The following MAML1 variants were observed in gnomAD, a reference collection of about 807,000 sequenced individuals.
MAML1 encodes the protein mastermind-like protein 1.
Under a neutral mutation model 77.1 loss-of-function variants are expected in MAML1, and 14 were observed. The observed-to-expected ratio is 0.18, with a 90% CI of 0.12 to 0.28. MAML1 has a LOEUF of 0.28. Ranked by LOEUF, MAML1 falls within the 10% of genes least tolerant of loss-of-function variation. The pLI is 1.00. For missense variants in MAML1, 1,217 were observed against 1,327.8 expected, an observed-to-expected ratio of 0.92 and a Z score of 1.30; for synonymous variants, 516 against 551.9, an observed-to-expected ratio of 0.93 and a Z score of 0.91.
At position 179,747,808 on chromosome 5, in the gene MAML1, C is replaced by CAAAAAAAAAAAAAA. The variant is rs71001044; in HGVS notation, c.315+14389_315+14402dup. ...CCTGGGCGACAGCGAGACTCCATCT[C>CAAAAAAAAAAAAAA]AAAAAAAAAAAAAAAAAAAAAGAAG... On this transcript the variant is annotated intron_variant, in intron 1 of 4. Transcript: ENST00000292599. Among the ~76,000 whole-genome samples, 7 of 40,894 alleles carry CAAAAAAAAAAAAAA rather than the reference C, an allele frequency of 1.7e-4. 1 individual carries two copies. Among genetic ancestry groups the CAAAAAAAAAAAAAA allele is most frequent in the South Asian group, 1.6e-3 (1 of 630 alleles). The allele number at this position is 40,894 out of a possible 152,430, so 26.8% of individuals were successfully genotyped here.
rs1456485300 is a variant in MAML1, at chr5:179,776,130, A to G, written c.*1253A>G. 2.0e-6 allele frequency: 2 copies of G among 985,802 alleles called. No homozygotes were observed. The highest frequency in any genetic ancestry group is 2.4e-6 in the Non-Finnish European group (2 of 829,958). 61.1% of individuals were successfully genotyped at this position (985,802 alleles called of 1,614,324 possible). The stretch of plus-strand genomic sequence containing the variant: ...CTGTTTTTGGAAAACGAAGATGGAG[A>G]GAGCACTTCCCCGTAACGAAAGCAA... On this transcript the variant is annotated 3_prime_UTR_variant, in exon 5 of 5. Transcript: ENST00000292599.
chr5:179,775,119 G>A lies in MAML1; in HGVS notation c.*242G>A. 7.7e-7 allele frequency: 1 copy of A among 1,299,412 alleles called. No individual in the cohort carries two copies. Among genetic ancestry groups the A allele is most frequent in the South Asian group, 2.2e-5 (1 of 45,892 alleles). The allele number at this position is 1,299,412 out of a possible 1,614,324, so 80.5% of individuals were successfully genotyped here. On this transcript the variant is annotated 3_prime_UTR_variant, in exon 5 of 5. Transcript: ENST00000292599. ...GGCATCAGTACCTGGTGTTGGGACA[G>A]CAGGATAGGGTTCTAAAGGTGGTTT...
At position 179,775,159 on chromosome 5, in the gene MAML1, CAA is replaced by C. The variant is rs146455656; in HGVS notation, c.*287_*288del. 1 of 1,143,876 alleles carries C rather than the reference CAA, an allele frequency of 8.7e-7. No individual in the cohort carries two copies. Among genetic ancestry groups the C allele is most frequent in the Non-Finnish European group, 1.1e-6 (1 of 930,538 alleles). The allele number at this position is 1,143,876 out of a possible 1,614,324, so 70.9% of individuals were successfully genotyped here. A position where few individuals can be genotyped will look rare whatever the true frequency, so the allele number is the denominator to read the frequency against. ...AAAGGTGGTTTTCTATCCAAACGAC[CAA>C]AAAACCAACAGTAACACCAGTGAAA... On this transcript the variant is annotated 3_prime_UTR_variant, in exon 5 of 5. Transcript: ENST00000292599.
intron 2 of MAML1, among the ~76,000 whole-genome samples, chr5:179,768,029 A>G (rs1449790732): frequency 6.6e-6 from 1 of 152,256 alleles, no homozygotes; most frequent in African/African-American, 2.4e-5. Context: ...GGTATTTGAC[A>G]AAAGCTAAGC....
rs1328783055 is a variant in MAML1 at position 179,771,347 on chromosome 5, G to T, written c.2068+104G>T. ...CTCTATGCCTTGACTTCATCAGGCT[G>T]CATGCATTGTCATCATATACACCTC... On this transcript the variant is annotated intron_variant, in intron 4 of 4. Transcript: ENST00000292599. This position sits in a 1 kb window ranked among gnomAD's most constrained non-coding sequence, Gnocchi z 4.7. 2.1e-6 allele frequency: 2 copies of T among 965,414 alleles called. No homozygotes were observed. The highest frequency in any genetic ancestry group is 5.0e-5 in the East Asian group (2 of 40,394). 59.8% of individuals were successfully genotyped at this position (965,414 alleles called of 1,614,324 possible).
Position 179,774,237 on chromosome 5 carries a change from G to A in MAML1, c.2411G>A (p.Ser804Asn), listed in dbSNP as rs1292028319. Residue 804 changes from serine (S) to asparagine (N), a missense_variant, in exon 5 of 5, where the codon AGC becomes AAC. Around this residue, in one of 3 missense-constraint regions of MAML1, gnomAD observed 884 missense variants for 949.3 expected, o/e 0.93. Coordinates refer to ENST00000292599, the MANE Select transcript of MAML1 (RefSeq NM_014757.5). ...GCCTATGGGCAGAACTCTCTGGGAA[G>A]CTCTGGCCTCTCCCAGCAGCACAAT... The part of the protein sequence containing the change: ...SAAYGQNSLG[S>N]SGLSQQHNKG... 6.2e-7 allele frequency: 1 copy of A among 1,613,404 alleles called. No individual in the cohort carries two copies. The highest frequency in any genetic ancestry group is 1.3e-5 in the African/African-American group (1 of 75,052).
chr5:179,735,263 C>G (rs1779144795), intron 1 of MAML1, among the ~76,000 whole-genome samples: 1 of 152,230 alleles, frequency 6.6e-6, no homozygotes, highest in South Asian at 2.1e-4. Context: ...AATCCTGCCA[C>G]CCTGCCAGTC....
In MAML1 at chr5:179,771,274, AG is replaced by A; in HGVS notation, c.2068+35del. On this transcript the variant is annotated intron_variant, in intron 4 of 4. Coordinates refer to ENST00000292599, the MANE Select transcript of MAML1 (RefSeq NM_014757.5). This position sits in a 1 kb window ranked among gnomAD's most constrained non-coding sequence, Gnocchi z 4.7. ...GGGTGTCTGTGTGACGAGCAGGGAC[AG>A]GGGAGGCCGCTGCCTGGTGCTGGTT... 1 of 1,583,788 alleles carries A rather than the reference AG, an allele frequency of 6.3e-7. No homozygotes were observed. The highest frequency in any genetic ancestry group is 8.7e-7 in the Non-Finnish European group (1 of 1,152,468).
chr5:179,743,050 T>C (rs937081078), intron 1 of MAML1, among the ~76,000 whole-genome samples: 5 of 145,320 alleles, frequency 3.4e-5, no homozygotes, highest in East Asian at 2.0e-4. Context: ...TTCACACTTT[T>C]TTTTTTTTTT....
intron 1 of MAML1, among the ~76,000 whole-genome samples, chr5:179,744,345 CTG>C (rs1779340965): frequency 6.6e-6 from 1 of 151,956 alleles, no homozygotes; most frequent in Non-Finnish European, 1.5e-5. Context: ...GCCACCACGC[CTG>C]TCTTAATTTT....
chr5:179,774,268 G>A lies in MAML1; in HGVS notation c.2442G>A (p.Gly814=). 6.2e-7 allele frequency: 1 copy of A among 1,613,470 alleles called. No individual in the cohort carries two copies. The highest frequency in any genetic ancestry group is 1.7e-5 in the Admixed American group (1 of 60,002). The change falls in exon 5 of 5, where the codon GGG becomes GGA. Residue 814 remains glycine (G), a synonymous_variant. Coordinates refer to ENST00000292599, the MANE Select transcript of MAML1 (RefSeq NM_014757.5). ...SSGLSQQHNK[G]TLNPGLTKPP... ...GCCTCTCCCAGCAGCACAATAAGGG[G>A]ACCCTGAACCCTGGTTTAACAAAGC...
At position 179,774,991 on chromosome 5, in the gene MAML1, T is replaced by C. The variant is rs1756103187; in HGVS notation, c.*114T>C. On this transcript the variant is annotated 3_prime_UTR_variant, in exon 5 of 5. Transcript: ENST00000292599. ...CCCATGGCCTGGGGAGCTGGGCAGG[T>C]AGAGCCCAAGCTCCAGGTGAGGCCT... 6.7e-7 allele frequency: 1 copy of C among 1,488,216 alleles called. No individual in the cohort carries two copies. Among genetic ancestry groups the C allele is most frequent in the African/African-American group, 1.4e-5 (1 of 71,252 alleles). The allele number at this position is 1,488,216 out of a possible 1,614,324, so 92.2% of individuals were successfully genotyped here.
Position 179,769,233 on chromosome 5 carries a change from A to G in MAML1, c.1971+144A>G. The G allele has an allele frequency of 2.5e-6, 3 of 1,217,736 alleles. No individual in the cohort carries two copies. Among genetic ancestry groups the G allele is most frequent in the East Asian group, 2.5e-5 (1 of 40,156 alleles). The allele number at this position is 1,217,736 out of a possible 1,614,324, so 75.4% of individuals were successfully genotyped here. A position where few individuals can be genotyped will look rare whatever the true frequency, so the allele number is the denominator to read the frequency against. On this transcript the variant is annotated intron_variant, in intron 3 of 4. Coordinates refer to ENST00000292599, the MANE Select transcript of MAML1 (RefSeq NM_014757.5). The surrounding 1 kb of genome is among the most constrained non-coding windows in gnomAD (Gnocchi z 4.2). The stretch of plus-strand genomic sequence containing the variant: ...TTAGAGTGCTTTGCCTTTTAAAAAC[A>G]TCTTTCCAGGAATGTGGCATTTCTC...
Position 179,774,676 on chromosome 5 carries a change from C to G in MAML1, c.2850C>G (p.Gly950=), listed in dbSNP as rs754008948. 6.2e-7 allele frequency: 1 copy of G among 1,609,590 alleles called. No individual in the cohort carries two copies. Among genetic ancestry groups the G allele is most frequent in the East Asian group, 2.2e-5 (1 of 44,850 alleles). ...GCCAGAGCCCTGCCTCACAGATGGG[C>G]GGTCGGGCGGGGCTGCACTGCACCC... ...AFSQSPASQM[G]GRAGLHCTQA... is the part of the protein sequence containing the mutation. The change falls in exon 5 of 5, where the codon GGC becomes GGG. Residue 950 remains glycine (G), a synonymous_variant. Coordinates refer to ENST00000292599, the MANE Select transcript of MAML1 (RefSeq NM_014757.5).
intron 1 of MAML1, 71 bp downstream of exon 1, chr5:179,733,498 G>T (rs1779110085): frequency 1.9e-6 from 2 of 1,051,984 alleles, no homozygotes; most frequent in Non-Finnish European, 1.1e-6. Flanking sequence ...CTCTGACGCG[G>T]ATCGGGCCGC....
In MAML1 at chr5:179,768,935, A is replaced by C; in HGVS notation, c.1817A>C (p.His606Pro). The part of the protein sequence containing the change: ...QPPAVSVASS[H>P]NSSPYLSSQQ... ...CCTGCCGTGTCCGTGGCCAGCTCCC[A>C]CAACAGCTCCCCCTATCTCAGCAGC... The change falls in exon 3 of 5, where the codon CAC (histidine) becomes CCC (proline). Residue 606 changes from histidine to proline, a missense_variant. Transcript: ENST00000292599. 1 of 1,614,190 alleles carries C rather than the reference A, an allele frequency of 6.2e-7. No individual in the cohort carries two copies. The highest frequency in any genetic ancestry group is 1.1e-5 in the South Asian group (1 of 91,084).
In MAML1 at chr5:179,766,102, G is replaced by A. The variant is rs2113375257; in HGVS notation, c.1092G>A (p.Met364Ile). Residue 364 changes from methionine (M) to isoleucine (I), a missense_variant, in exon 2 of 5, where the codon ATG becomes ATA. By Grantham distance (10) the Met-to-Ile change is conservative (BLOSUM62 1). Around this residue, in one of 3 missense-constraint regions of MAML1, gnomAD observed 884 missense variants for 949.3 expected, o/e 0.93. Transcript: ENST00000292599. This position sits in a 1 kb window ranked among gnomAD's most constrained non-coding sequence, Gnocchi z 4.0. ...CGGACAATCCCAGTCCAAACCTGAT[G>A]CCGGCATCAGCCCAGGCCCAGAACG... Reference protein sequence around the residue: ...PRADNPSPNLMPASAQAQNAQ... With the variant: ...PRADNPSPNLIPASAQAQNAQ... 6.3e-7 allele frequency: 1 copy of A among 1,580,230 alleles called. No homozygotes were observed. Among genetic ancestry groups the A allele is most frequent in the East Asian group, 2.2e-5 (1 of 44,624 alleles).
intron 1 of MAML1, among the ~76,000 whole-genome samples, chr5:179,757,458 C>T (rs1311188908): frequency 1.3e-5 from 2 of 152,084 alleles, no homozygotes; most frequent in South Asian, 4.2e-4. Flanking sequence ...ATCCCAGCTA[C>T]TCGGGAGGCT....
Position 179,771,144 on chromosome 5 carries a change from T to C in MAML1, c.1972-3T>C, listed in dbSNP as rs1461147391. ...TTGTTTTGTTGTTCTTGGCATTTTC[T>C]AGGAGAAGCAACAGTTTCAGCGCCA... On this transcript the variant is annotated splice_region_variant and splice_polypyrimidine_tract_variant and intron_variant, in intron 3 of 4. Coordinates refer to ENST00000292599, the MANE Select transcript of MAML1 (RefSeq NM_014757.5). The surrounding 1 kb of genome is among the most constrained non-coding windows in gnomAD (Gnocchi z 4.7). 1 of 1,613,414 alleles carries C rather than the reference T, an allele frequency of 6.2e-7. No individual in the cohort carries two copies. The highest frequency in any genetic ancestry group is 1.1e-5 in the South Asian group (1 of 91,070).
Sources: allele counts gnomAD v4.1 joint callset (sites outside exome capture counted in the v4.1 genomes callset), GRCh38; gene constraint gnomAD v4.1.1; regional missense constraint gnomAD v4.1.1; non-coding constraint Gnocchi (gnomAD v3.1); transcripts MANE v1.5; gene names NCBI Gene and HGNC (gene_info 2026-07-23, HGNC 2026-07-21).